The following PAAF1 variants were observed in gnomAD, a reference collection of about 807,000 sequenced individuals.
PAAF1 encodes proteasomal ATPase associated factor 1.
In PAAF1, 46 loss-of-function variants were observed where a neutral mutation model predicts 52.8. That is an observed-to-expected ratio of 0.87 (90% CI 0.69 to 1.11). PAAF1 has a LOEUF of 1.11. Ranked by LOEUF, PAAF1 falls within the 50% of genes most tolerant of loss-of-function variation. The pLI is 0.00. For missense variants in PAAF1, 424 were observed against 477.4 expected (o/e 0.89, Z 1.04); for synonymous variants, 178 against 172.8 (o/e 1.03, Z -0.24).
chr11:73,909,549 C>G lies in PAAF1; in HGVS notation c.683C>G (p.Ala228Gly), dbSNP rs1426045304. The G allele has an allele frequency of 6.2e-7, 1 of 1,614,122 alleles. No homozygotes were observed. Among genetic ancestry groups the G allele is most frequent in the Admixed American group, 1.7e-5 (1 of 60,012 alleles). The change falls in exon 7 of 12, where the codon GCT (alanine) becomes GGT (glycine). Residue 228 changes from alanine (A) to glycine (G), a missense_variant. Coordinates refer to ENST00000310571, the MANE Select transcript of PAAF1 (RefSeq NM_025155.3). ...TCTATCAATGGAGTGGCGGTGGGTG[C>G]TGCTGACAACTCCATAAACCTTGGC... is the stretch of plus-strand genomic sequence containing the variant. ...GSSINGVAVG[A>G]ADNSINLGSP... is the part of the protein sequence containing the mutation.
chr11:73,905,405 G>A (rs1156301554), intron 6 of PAAF1, among the ~76,000 whole-genome samples: 2 of 151,952 alleles, frequency 1.3e-5, no homozygotes, highest in African/African-American at 4.8e-5. Context: ...TGTATTTTTA[G>A]AAGAAACTGG....
intron 4 of PAAF1, among the ~76,000 whole-genome samples, chr11:73,897,878 C>G: frequency 9.2e-6 from 1 of 108,552 alleles, no homozygotes. Context: ...CCACTGCACT[C>G]CAGCCTGGGG....
At chr11:73,920,426 G>A (rs1415285585) in intron 10 of PAAF1, among the ~76,000 whole-genome samples, 1 of 152,120 alleles carries the variant, frequency 6.6e-6, no homozygotes, top group Admixed American at 6.6e-5. Context: ...AGCTACTCAG[G>A]AGGCTGAGGT....
At position 73,900,244 on chromosome 11, in the gene PAAF1, C is replaced by A. The variant is rs111391827; in HGVS notation, c.382-26C>A. ...ATCAAGGGATGGACAAGAGAACTAGCATGGAATTTTCTTTTGTTTTTCCAG... is the reference window on the plus strand; with the variant it reads ...ATCAAGGGATGGACAAGAGAACTAGAATGGAATTTTCTTTTGTTTTTCCAG... On this transcript the variant is annotated intron_variant, in intron 5 of 11. Transcript: ENST00000310571. The A allele has an allele frequency of 1.1e-5, 18 of 1,574,332 alleles. No individual in the cohort carries two copies. The African/African-American group carries it at 1.6e-4, about 14-fold the overall frequency.
chr11:73,877,139 G>A (rs371421703), intron 1 of PAAF1, 71 bp downstream of exon 1: 7 of 1,426,598 alleles, frequency 4.9e-6, no homozygotes, highest in Admixed American at 2.6e-5. Flanking sequence ...GGAGAGCCAT[G>A]CCTGGTCCAG....
At chr11:73,888,237 G>C (rs1565127492) in intron 3 of PAAF1, among the ~76,000 whole-genome samples, 1 of 151,992 alleles carries the variant, frequency 6.6e-6, no homozygotes, top group Non-Finnish European at 1.5e-5. Flanking sequence ...AGAAATACTT[G>C]ATCTGTATTT....
chr11:73,914,697 CT>C (rs371949979), intron 8 of PAAF1, among the ~76,000 whole-genome samples, 193 bp downstream of exon 8: 192 of 126,960 alleles, frequency 1.5e-3, no homozygotes, highest in Middle Eastern at 4.1e-3. Flanking sequence ...AATCCCAGTT[CT>C]TTTTTTTTTT....
Position 73,929,392 on chromosome 11 carries a change from C to T in PAAF1, c.*2030C>T, listed in dbSNP as rs778637477. The T allele has an allele frequency of 1.3e-5, 2 of 152,090 alleles. No individual in the cohort carries two copies. The allele number at this position is 152,090 out of a possible 1,614,324, so 9.4% of individuals were successfully genotyped here. A position where few individuals can be genotyped will look rare whatever the true frequency, so the allele number is the denominator to read the frequency against. On this transcript the variant is annotated 3_prime_UTR_variant, in exon 12 of 12. Coordinates refer to ENST00000310571, the MANE Select transcript of PAAF1 (RefSeq NM_025155.3). ...TAAATCCCATTTTTTTCTACAACAC[C>T]CTGTTACTTAAACCAAAGTGTAAAA...
Position 73,929,417 on chromosome 11 carries a change from A to C in PAAF1, c.*2055A>C, listed in dbSNP as rs1223072189. ...CCTGTTACTTAAACCAAAGTGTAAA[A>C]AGAAAATACTGCAATTCATTTAATA... On this transcript the variant is annotated 3_prime_UTR_variant, in exon 12 of 12. Transcript: ENST00000310571. 2 of 152,212 alleles carry C rather than the reference A, an allele frequency of 1.3e-5. No homozygotes were observed. Among genetic ancestry groups the C allele is most frequent in the Admixed American group, 1.3e-4 (2 of 15,282 alleles). The allele number at this position is 152,212 out of a possible 1,614,324, so 9.4% of individuals were successfully genotyped here. A position where few individuals can be genotyped will look rare whatever the true frequency, so the allele number is the denominator to read the frequency against.
intron 4 of PAAF1, among the ~76,000 whole-genome samples, chr11:73,893,758 A>AAG (rs1197134770): frequency 8.1e-5 from 12 of 148,720 alleles, no homozygotes; most frequent in African/African-American, 3.0e-4. Flanking sequence ...AAAAAAAAAA[A>AAG]AAAGAAAGAA....
intron 6 of PAAF1, among the ~76,000 whole-genome samples, chr11:73,908,307 GTATA>G (rs201135154): frequency 7.0e-6 from 1 of 143,078 alleles, no homozygotes; most frequent in Non-Finnish European, 1.5e-5. Context: ...GTGTATATAT[GTATA>G]TATATGTGTA....
intron 4 of PAAF1, among the ~76,000 whole-genome samples, chr11:73,894,109 C>CATA (rs1470928713): frequency 8.5e-5 from 13 of 152,118 alleles, no homozygotes; most frequent in African/African-American, 3.1e-4. Context: ...GGCCTTTATA[C>CATA]ATCATTTTTT....
intron 4 of PAAF1, among the ~76,000 whole-genome samples, chr11:73,891,749 T>C (rs1381191528): frequency 5.3e-5 from 8 of 152,202 alleles, no homozygotes; most frequent in Non-Finnish European, 1.0e-4. Context: ...CACTGCAGCC[T>C]GGACTCTGTC....
chr11:73,893,778 C>T (rs35344902), intron 4 of PAAF1, among the ~76,000 whole-genome samples: 8,347 of 137,622 alleles, frequency 0.061, 273 homozygotes, highest in Middle Eastern at 0.12. Flanking sequence ...AAAAACTAAA[C>T]GTGGGCGCGG....
intron 4 of PAAF1, among the ~76,000 whole-genome samples, chr11:73,897,287 C>T (rs1435687902): frequency 6.6e-6 from 1 of 150,990 alleles, no homozygotes; most frequent in Non-Finnish European, 1.5e-5. Flanking sequence ...GGGGGGCTGA[C>T]CCCCCCACTT....
chr11:73,876,946 G>C (rs1052350904), upstream of PAAF1: 1 of 1,418,996 alleles, frequency 7.0e-7, no homozygotes, highest in Non-Finnish European at 9.3e-7. Flanking sequence ...GCCCACCTCT[G>C]TCCTCGCCGC....
chr11:73,896,664 A>G (rs1291965278), intron 4 of PAAF1, among the ~76,000 whole-genome samples: 1 of 152,206 alleles, frequency 6.6e-6, no homozygotes, highest in African/African-American at 2.4e-5. Flanking sequence ...TTTTCTTAGT[A>G]CGGAACAAAA....
At position 73,930,597 on chromosome 11, in the gene PAAF1, C is replaced by G. The variant is rs1950444410; in HGVS notation, c.*3235C>G. 1 of 151,088 alleles carries G rather than the reference C, an allele frequency of 6.6e-6. No homozygotes were observed. The highest frequency in any genetic ancestry group is 6.6e-5 in the Admixed American group (1 of 15,162). The allele number at this position is 151,088 out of a possible 1,614,324, so 9.4% of individuals were successfully genotyped here. A position where few individuals can be genotyped will look rare whatever the true frequency, so the allele number is the denominator to read the frequency against. On this transcript the variant is annotated 3_prime_UTR_variant, in exon 12 of 12. Transcript: ENST00000310571. ...CTCTGTCTCTACTAAAAATACAAAA[C>G]TTAGCCAGGTGTGGTGGTGGGCACC...
In PAAF1 at chr11:73,927,615, G is replaced by T; in HGVS notation, c.*253G>T. 1.8e-6 allele frequency: 1 copy of T among 551,758 alleles called. No individual in the cohort carries two copies. The highest frequency in any genetic ancestry group is 3.0e-5 in the East Asian group (1 of 33,580). 34.2% of individuals were successfully genotyped at this position (551,758 alleles called of 1,614,324 possible). On this transcript the variant is annotated 3_prime_UTR_variant, in exon 12 of 12. Coordinates refer to ENST00000310571, the MANE Select transcript of PAAF1 (RefSeq NM_025155.3). ...GTATAAACTCACCCCAGCAACACAG[G>T]GCAAGGATATAGATGCTTTTAGTTT...
Sources: allele counts gnomAD v4.1 joint callset (sites outside exome capture counted in the v4.1 genomes callset), GRCh38; gene constraint gnomAD v4.1.1; transcripts MANE v1.5; gene names NCBI Gene and HGNC (gene_info 2026-07-23, HGNC 2026-07-21).